The following KHDRBS2 variants were observed in gnomAD, a reference collection of about 807,000 sequenced individuals.
KHDRBS2 encodes the protein KH RNA binding domain containing, signal transduction associated 2, also known as KH domain-containing, RNA-binding, signal transduction-associated protein 2.
KHDRBS2 carries 26 observed loss-of-function variants against 44.3 expected under a neutral mutation model. The observed-to-expected ratio is 0.59, with a 90% CI of 0.43 to 0.81. The LOEUF (loss-of-function observed/expected upper bound fraction) is 0.81, where lower values mean the gene tolerates loss of function less well. KHDRBS2 is among the 40% of genes least tolerant of loss of function. The probability of loss-of-function intolerance (pLI) is 0.00; values close to 1 mark genes in which losing one functional copy is unlikely to be tolerated. For missense variants in KHDRBS2, 476 were observed against 433.1 expected (o/e 1.10, Z -0.88); for synonymous variants, 194 against 151.1 (o/e 1.28, Z -2.08).
the KHDRBS2 span, among the ~76,000 whole-genome samples, chr6:61,653,376 T>C: frequency 6.6e-6 from 1 of 152,122 alleles, no homozygotes. Flanking sequence ...ACATGTTTGT[T>C]AGTAAATATT....
At chr6:62,135,630 T>G (rs1475691090) in intron 2 of KHDRBS2, among the ~76,000 whole-genome samples, 1 of 152,116 alleles carries the variant, frequency 6.6e-6, no homozygotes, top group Admixed American at 6.5e-5. Context: ...ACAACCTCAG[T>G]GTCCATGGAT....
At chr6:61,805,215 A>G (rs2127590858) in intron 6 of KHDRBS2, among the ~76,000 whole-genome samples, 1 of 152,144 alleles carries the variant, frequency 6.6e-6, no homozygotes, top group East Asian at 1.9e-4. Flanking sequence ...AGCTCCATAG[A>G]TCATTAGGGC....
At chr6:61,781,206 T>C (rs577743225) in intron 6 of KHDRBS2, among the ~76,000 whole-genome samples, 54 of 152,278 alleles carry the variant, frequency 3.5e-4, no homozygotes, top group Non-Finnish European at 6.8e-4. Context: ...ACAATTATAT[T>C]AATCATTTTA....
At chr6:62,131,749 C>T (rs1292121829) in intron 2 of KHDRBS2, among the ~76,000 whole-genome samples, 1 of 152,108 alleles carries the variant, frequency 6.6e-6, no homozygotes, top group African/African-American at 2.4e-5. Flanking sequence ...TATCAGTCTC[C>T]CATAGCAGAA....
chr6:61,873,005 ACATAC>A (rs573183363), intron 6 of KHDRBS2, among the ~76,000 whole-genome samples: 8 of 152,132 alleles, frequency 5.3e-5, no homozygotes, highest in Non-Finnish European at 1.2e-4. Context: ...AAATATCTTC[ACATAC>A]CATGTGTAAA....
At chr6:62,233,575 A>G (rs1395828416) in intron 1 of KHDRBS2, among the ~76,000 whole-genome samples, 1 of 152,054 alleles carries the variant, frequency 6.6e-6, no homozygotes, top group Admixed American at 6.6e-5. Flanking sequence ...TGTACAGATT[A>G]TTTCATCACC....
chr6:62,088,616 C>G (rs1418767162), intron 2 of KHDRBS2, among the ~76,000 whole-genome samples: 1 of 152,106 alleles, frequency 6.6e-6, no homozygotes, highest in African/African-American at 2.4e-5. Context: ...AGCCAGAGCT[C>G]TCCTGTATGA....
chr6:62,114,098 G>A (rs1805648947), intron 2 of KHDRBS2, among the ~76,000 whole-genome samples: 1 of 152,006 alleles, frequency 6.6e-6, no homozygotes, highest in Non-Finnish European at 1.5e-5. Context: ...TCACTATCAT[G>A]AGAACAGCAT....
the KHDRBS2 span, among the ~76,000 whole-genome samples, chr6:61,608,502 A>G: frequency 2.0e-5 from 3 of 152,038 alleles, no homozygotes; most frequent in African/African-American, 7.2e-5. Context: ...GGTTTGTTAC[A>G]TAGGTATACA....
Position 61,680,184 on chromosome 6 carries a change from G to A in KHDRBS2, c.*779C>T, listed in dbSNP as rs1766163512. 6.6e-6 allele frequency: 1 copy of A among 152,268 alleles called. No individual in the cohort carries two copies. The allele number at this position is 152,268 out of a possible 1,614,324, so 9.4% of individuals were successfully genotyped here. ...ATAGAAAACATTTTAGGCATCTCTT[G>A]AAGAAGAAATAAAGCAGGCATTTAA... On this transcript the variant is annotated 3_prime_UTR_variant, in exon 9 of 9. Coordinates refer to ENST00000281156, the MANE Select transcript of KHDRBS2 (RefSeq NM_152688.4).
At chr6:61,594,613 C>T in the KHDRBS2 span, among the ~76,000 whole-genome samples, 1 of 152,064 alleles carries the variant, frequency 6.6e-6, no homozygotes, top group Non-Finnish European at 1.5e-5. Flanking sequence ...TTTAATATAT[C>T]AGATTTTTAA....
chr6:61,605,226 T>C, the KHDRBS2 span, among the ~76,000 whole-genome samples: 1 of 152,188 alleles, frequency 6.6e-6, no homozygotes, highest in African/African-American at 2.4e-5. Flanking sequence ...CAACTTGGAC[T>C]GCACCCCACA....
intron 4 of KHDRBS2, among the ~76,000 whole-genome samples, chr6:61,927,171 C>T (rs1809127440): frequency 2.0e-5 from 3 of 151,664 alleles, no homozygotes; most frequent in Admixed American, 1.3e-4. Flanking sequence ...ACAACAACAA[C>T]AATAATAATA....
At chr6:61,944,449 A>G (rs1812795269) in intron 4 of KHDRBS2, among the ~76,000 whole-genome samples, 1 of 152,132 alleles carries the variant, frequency 6.6e-6, no homozygotes, top group African/African-American at 2.4e-5. Context: ...AAGGTAAAAA[A>G]AAAAAGATCT....
At chr6:62,172,985 A>G (rs555943916) in intron 2 of KHDRBS2, among the ~76,000 whole-genome samples, 1 of 152,136 alleles carries the variant, frequency 6.6e-6, no homozygotes, top group South Asian at 2.1e-4. Flanking sequence ...TCACATAACT[A>G]GGAAGATCTC....
chr6:61,640,823 G>A, the KHDRBS2 span, among the ~76,000 whole-genome samples: 5 of 152,102 alleles, frequency 3.3e-5, no homozygotes, highest in African/African-American at 7.2e-5. Flanking sequence ...AATTTTGGAC[G>A]TGGCCAAGTA....
the KHDRBS2 span, among the ~76,000 whole-genome samples, chr6:61,556,267 G>A: frequency 6.6e-6 from 1 of 152,222 alleles, no homozygotes; most frequent in Non-Finnish European, 1.5e-5. Flanking sequence ...TGGTGGCCAT[G>A]CGTGCATTCA....
the KHDRBS2 span, among the ~76,000 whole-genome samples, chr6:61,656,012 A>G: frequency 2.0e-5 from 3 of 152,064 alleles, no homozygotes; most frequent in Non-Finnish European, 4.4e-5. Context: ...TCTGATGTTC[A>G]TTTCAGATAT....
chr6:61,892,813 A>G (rs1381855212), intron 6 of KHDRBS2, among the ~76,000 whole-genome samples: 1 of 152,198 alleles, frequency 6.6e-6, no homozygotes, highest in Non-Finnish European at 1.5e-5. Flanking sequence ...AAGAAAACCT[A>G]GGCATTACCA....
Sources: gnomAD v4.1 joint callset for allele counts (sites outside exome capture counted in the v4.1 genomes callset) on GRCh38, gnomAD v4.1.1 for gene constraint, MANE v1.5 for transcripts, NCBI Gene and HGNC (gene_info 2026-07-23, HGNC 2026-07-21) for gene names.